ZBTB20: variants seen among roughly 807,000 people sequenced by gnomAD.
The protein encoded by ZBTB20 is zinc finger and BTB domain-containing protein 20.
Under a neutral mutation model 56.9 loss-of-function variants are expected in ZBTB20, and 9 were observed. The ratio of observed to expected loss-of-function variants is 0.16; its 90% CI spans 0.10 to 0.28. ZBTB20 has a LOEUF of 0.28. Among genes scored for constraint, ZBTB20 ranks in the 10% least tolerant of loss-of-function variants. The pLI, the probability that ZBTB20 is intolerant of heterozygous loss-of-function variation, is 1.00. For synonymous variants in ZBTB20, 417 were observed against 420.7 expected (o/e 0.99, Z 0.11); for missense variants, 655 against 1,003.0 (o/e 0.65, Z 4.69).
chr3:114,903,982 A>G (rs1476217158), intron 3 of ZBTB20, among the ~76,000 whole-genome samples: 2 of 152,072 alleles, frequency 1.3e-5, no homozygotes, highest in Non-Finnish European at 2.9e-5. Context: ...TTTGATTTAA[A>G]GGACAGCACA....
chr3:114,813,642 T>C (rs1393648921), intron 4 of ZBTB20, among the ~76,000 whole-genome samples: 1 of 152,140 alleles, frequency 6.6e-6, no homozygotes, highest in African/African-American at 2.4e-5. Flanking sequence ...TCCCAGCTAC[T>C]TGGGAGGCTG....
chr3:114,557,136 G>C (rs1385694842), intron 6 of ZBTB20, among the ~76,000 whole-genome samples: 5 of 152,048 alleles, frequency 3.3e-5, no homozygotes, highest in Non-Finnish European at 5.9e-5. Context: ...TTAGGAAGTA[G>C]CAGATGAGCT....
Position 114,642,740 on chromosome 3 carries a change from G to A in ZBTB20, c.-295+50788C>T, listed in dbSNP as rs555172441. Among the ~76,000 whole-genome samples the A allele has an allele frequency of 2.6e-5, 4 of 152,082 alleles. No individual in the cohort carries two copies. The East Asian group carries it at 7.7e-4, about 29-fold the overall frequency. ...TAGCTCTACAACTCGGTGACCTTGG[G>A]TTCTAAGACTCATTTGGTTCAACCT... On this transcript the variant is annotated intron_variant, in intron 6 of 11. Transcript: ENST00000675478.
At chr3:114,810,455 TC>T (rs2108875015) in intron 4 of ZBTB20, among the ~76,000 whole-genome samples, 1 of 152,294 alleles carries the variant, frequency 6.6e-6, no homozygotes, top group South Asian at 2.1e-4. Flanking sequence ...CATCAAATTA[TC>T]GAATCACCCC....
chr3:114,345,247 T>C (rs1428826431), intron 11 of ZBTB20, among the ~76,000 whole-genome samples: 5 of 152,208 alleles, frequency 3.3e-5, no homozygotes, highest in Non-Finnish European at 5.9e-5. Flanking sequence ...AAGTGTGATA[T>C]ACATGTATAT....
At chr3:114,769,126 T>C (rs898971690) in intron 5 of ZBTB20, among the ~76,000 whole-genome samples, 4 of 152,190 alleles carry the variant, frequency 2.6e-5, no homozygotes, top group Admixed American at 6.5e-5. Context: ...TGGATGATGT[T>C]TGCATGTAGT....
At chr3:115,042,354 C>T (rs1055391540) in intron 2 of ZBTB20, among the ~76,000 whole-genome samples, 12 of 152,130 alleles carry the variant, frequency 7.9e-5, no homozygotes, top group African/African-American at 2.2e-4. Flanking sequence ...AAGGTCCATA[C>T]GTAAAATCTT....
chr3:114,459,308 T>C (rs1321319517), intron 7 of ZBTB20, among the ~76,000 whole-genome samples: 1 of 152,198 alleles, frequency 6.6e-6, no homozygotes, highest in East Asian at 1.9e-4. Context: ...ATAACCCTCA[T>C]GCTATAGAGA....
intron 6 of ZBTB20, among the ~76,000 whole-genome samples, chr3:114,587,484 A>C: frequency 6.6e-6 from 1 of 152,220 alleles, no homozygotes; most frequent in East Asian, 1.9e-4. Context: ...AAGCGATAAT[A>C]GTACTCATTG....
At chr3:114,995,531 G>A (rs931090836) in intron 2 of ZBTB20, among the ~76,000 whole-genome samples, 6 of 151,630 alleles carry the variant, frequency 4.0e-5, no homozygotes, top group Non-Finnish European at 7.4e-5. Flanking sequence ...ATCATATAAA[G>A]ACCCCTATTT....
chr3:115,046,505 A>G (rs1303162536), intron 2 of ZBTB20, among the ~76,000 whole-genome samples: 1 of 152,156 alleles, frequency 6.6e-6, no homozygotes, highest in Non-Finnish European at 1.5e-5. Context: ...ATTCTAAAGA[A>G]ATTCTGCTAT....
intron 3 of ZBTB20, among the ~76,000 whole-genome samples, chr3:114,926,839 C>T (rs1192732956): frequency 6.6e-6 from 1 of 152,176 alleles, no homozygotes; most frequent in African/African-American, 2.4e-5. Flanking sequence ...TCATAGCTCA[C>T]TGAAATTTCA....
intron 8 of ZBTB20, among the ~76,000 whole-genome samples, chr3:114,386,131 A>C (rs966998633): frequency 6.6e-6 from 1 of 152,180 alleles, no homozygotes; most frequent in Admixed American, 6.5e-5. Context: ...AAGCCTGGAC[A>C]CTATGGTCTA....
rs573208185 is a variant in ZBTB20, at chr3:115,131,357, G to C, written c.-703+15862C>G. Among the ~76,000 whole-genome samples the C allele has an allele frequency of 5.9e-5, 9 of 152,168 alleles. No individual in the cohort carries two copies. In the South Asian group the frequency reaches 1.7e-3, roughly 28 times the overall value. On this transcript the variant is annotated intron_variant, in intron 1 of 11. Transcript: ENST00000675478. The stretch of plus-strand genomic sequence containing the variant: ...TCTTTGTAATTATTTTTTAAAGGCT[G>C]AATATTATACACACTTTTCTATACC...
At chr3:114,610,828 T>C (rs1229144145) in intron 6 of ZBTB20, among the ~76,000 whole-genome samples, 2 of 152,106 alleles carry the variant, frequency 1.3e-5, no homozygotes, top group East Asian at 3.9e-4. Context: ...AGACACTCAC[T>C]CAAATACCAT....
At chr3:114,966,717 C>T (rs2077662419) in intron 3 of ZBTB20, among the ~76,000 whole-genome samples, 1 of 151,564 alleles carries the variant, frequency 6.6e-6, no homozygotes, top group Non-Finnish European at 1.5e-5. Context: ...TCACATATAC[C>T]TATCAATAAA....
At chr3:114,676,148 TCTC>T (rs779181599) in intron 6 of ZBTB20, among the ~76,000 whole-genome samples, 6 of 152,158 alleles carry the variant, frequency 3.9e-5, no homozygotes, top group Non-Finnish European at 5.9e-5. Flanking sequence ...CTTCCTTACT[TCTC>T]CTGATCCTCT....
At chr3:114,480,680 T>C (rs922612455) in intron 7 of ZBTB20, among the ~76,000 whole-genome samples, 14 of 152,148 alleles carry the variant, frequency 9.2e-5, no homozygotes, top group African/African-American at 2.4e-4. Flanking sequence ...CACTTCTTTG[T>C]CCTAAACCTG....
In ZBTB20 at chr3:114,931,278, G is replaced by C. The variant is rs141011256; in HGVS notation, c.-455-30936C>G. 16 of 195,900 alleles carry C rather than the reference G, an allele frequency of 8.2e-5. No homozygotes were observed. In the East Asian group the frequency reaches 2.2e-3, roughly 26 times the overall value. 12.1% of individuals were successfully genotyped at this position (195,900 alleles called of 1,614,324 possible). A position where few individuals can be genotyped will look rare whatever the true frequency, so the allele number is the denominator to read the frequency against. On this transcript the variant is annotated intron_variant, in intron 3 of 11. Transcript: ENST00000675478. ...AGCCTAGAGAGGACGGCAGTGAAGA[G>C]AGTAAAGAAAATCAAGATGAGACCC...
Sources: allele counts gnomAD v4.1 joint callset (sites outside exome capture counted in the v4.1 genomes callset), GRCh38; gene constraint gnomAD v4.1.1; transcripts MANE v1.5; gene names NCBI Gene and HGNC (gene_info 2026-07-23, HGNC 2026-07-21).